Variants in PCBP2 observed in about 807,000 individuals in gnomAD.
PCBP2 encodes the protein poly(rC) binding protein 2, also known as poly(rC)-binding protein 2.
In PCBP2, 4 loss-of-function variants were observed where a neutral mutation model predicts 50.1. The ratio of observed to expected loss-of-function variants is 0.08; its 90% CI spans 0.04 to 0.18. The LOEUF is 0.18. Among genes scored for constraint, PCBP2 ranks in the 10% least tolerant of loss-of-function variants. PCBP2 has a pLI of 1.00. For missense variants in PCBP2, 161 were observed against 474.3 expected (o/e 0.34, Z 6.14); for synonymous variants, 179 against 168.0 (o/e 1.07, Z -0.51).
intron 5 of PCBP2, among the ~76,000 whole-genome samples, chr12:53,456,423 A>C (rs1941015093): frequency 6.6e-6 from 1 of 151,104 alleles, no homozygotes; most frequent in East Asian, 1.9e-4. Flanking sequence ...ACACCACTGC[A>C]CTCCAGCCTG....
chr12:53,459,168 C>A, intron 5 of PCBP2, 104 bp from the exon 6 acceptor site: 1 of 920,262 alleles, frequency 1.1e-6, no homozygotes, highest in Non-Finnish European at 1.5e-6. Flanking sequence ...TATGACCTCG[C>A]ATGTCCTAAT....
chr12:53,462,613 T>C lies in PCBP2; in HGVS notation c.579+46T>C, dbSNP rs753739140. On this transcript the variant is annotated intron_variant, in intron 8 of 14. Coordinates refer to ENST00000546463, the MANE Select transcript of PCBP2 (RefSeq NM_031989.5). ...GGGCTAGAATGAACAGAGATTATAT[T>C]TGAAATGTCAACTTTGCCAGCATCA... 4 of 1,506,642 alleles carry C rather than the reference T, an allele frequency of 2.7e-6. No individual in the cohort carries two copies. The South Asian group carries it at 3.4e-5, about 13-fold the overall frequency. The allele number at this position is 1,506,642 out of a possible 1,614,324, so 93.3% of individuals were successfully genotyped here. A position where few individuals can be genotyped will look rare whatever the true frequency, so the allele number is the denominator to read the frequency against.
chr12:53,477,921 T>C (rs891648455), intron 14 of PCBP2, among the ~76,000 whole-genome samples: 2 of 152,098 alleles, frequency 1.3e-5, no homozygotes, highest in African/African-American at 4.8e-5. Context: ...AAATAACTTA[T>C]CTTATGAACT....
chr12:53,454,954 G>C (rs1000042479), intron 2 of PCBP2, 85 bp downstream of exon 2: 22 of 1,115,630 alleles, frequency 2.0e-5, no homozygotes, highest in South Asian at 3.7e-5. Flanking sequence ...GAGCTCATCA[G>C]ATTAGCACTG....
At chr12:53,460,638 C>T (rs550663674) in intron 6 of PCBP2, 8 of 231,040 alleles carry the variant, frequency 3.5e-5, no homozygotes, top group Non-Finnish European at 6.2e-5. Flanking sequence ...TGGTACCTGG[C>T]ACATAGAATG....
In PCBP2 at chr12:53,468,941, A is replaced by C. The variant is rs1942005455; in HGVS notation, c.882+109A>C. On this transcript the variant is annotated intron_variant, in intron 13 of 14. Transcript: ENST00000546463. Reference sequence around the variant, plus strand: ...CCTTTTTTTTTTTTTTTTTTTAAACAGCCCAGGCTGTAGTGCAGTGGTGCG... The same window carrying C: ...CCTTTTTTTTTTTTTTTTTTTAAACCGCCCAGGCTGTAGTGCAGTGGTGCG... 14 of 776,618 alleles carry C rather than the reference A, an allele frequency of 1.8e-5. No individual in the cohort carries two copies. In the South Asian group the frequency reaches 2.1e-4, roughly 12 times the overall value. The allele number at this position is 776,618 out of a possible 1,614,324, so 48.1% of individuals were successfully genotyped here. A position where few individuals can be genotyped will look rare whatever the true frequency, so the allele number is the denominator to read the frequency against.
intron 11 of PCBP2, 41 bp from the exon 12 acceptor site, chr12:53,467,764 G>A: frequency 6.5e-7 from 1 of 1,546,378 alleles, no homozygotes; most frequent in Non-Finnish European, 8.9e-7. Context: ...GATAGGGTTA[G>A]GATGAGACCA....
intron 1 of PCBP2, among the ~76,000 whole-genome samples, chr12:53,453,763 G>A (rs1026862111): frequency 6.6e-6 from 1 of 152,070 alleles, no homozygotes; most frequent in Non-Finnish European, 1.5e-5. Flanking sequence ...TGAAGGCAAA[G>A]GCATATCCAA....
rs957701305 is a variant in PCBP2 at position 53,479,673 on chromosome 12, T to TTTTTTTTTTTTTTTGG, written c.*241_*242insTTTTGGTTTTTTTTTT. The TTTTTTTTTTTTTTTGG allele has an allele frequency of 2.7e-5, 10 of 372,698 alleles. No homozygotes were observed. The highest frequency in any genetic ancestry group is 7.2e-4 in the Middle Eastern group (1 of 1,386). 23.1% of individuals were successfully genotyped at this position (372,698 alleles called of 1,614,324 possible). A position where few individuals can be genotyped will look rare whatever the true frequency, so the allele number is the denominator to read the frequency against. ...TTAGTTTTATAAGCTTCTCCCTGGT[T>TTTTTTTTTTTTTTTGG]TTTTTTTTTTGGCTCATGAATTTTT... is the stretch of plus-strand genomic sequence containing the variant. On this transcript the variant is annotated 3_prime_UTR_variant, in exon 15 of 15. Transcript: ENST00000546463.
At chr12:53,470,404 T>C (rs1447801962) in intron 13 of PCBP2, among the ~76,000 whole-genome samples, 1 of 81,480 alleles carries the variant, frequency 1.2e-5, no homozygotes, top group Non-Finnish European at 2.6e-5. Context: ...AAAAAAAAAG[T>C]GTAGTGGCTT....
chr12:53,471,927 T>A, intron 14 of PCBP2, 120 bp downstream of exon 14: 1 of 764,258 alleles, frequency 1.3e-6, no homozygotes, highest in Non-Finnish European at 1.9e-6. Flanking sequence ...CCAAAAGGTT[T>A]TTTTTTTTTT....
intron 8 of PCBP2, chr12:53,464,501 A>G: frequency 2.3e-6 from 1 of 428,738 alleles, no homozygotes; most frequent in Non-Finnish European, 4.1e-6. Flanking sequence ...TTAATCCCAC[A>G]CTGACCAGGA....
rs1188475380 is a variant in PCBP2, at chr12:53,454,708, G to T, written c.-75-18G>T. ...TTGTTGTTTTCCTCCTCTGATTTTG[G>T]TCATGTTTGCATTTTAGTTTTTGGC... On this transcript the variant is annotated intron_variant, in intron 1 of 14. Coordinates refer to ENST00000546463, the MANE Select transcript of PCBP2 (RefSeq NM_031989.5). 1.1e-6 allele frequency: 1 copy of T among 891,218 alleles called. No homozygotes were observed. The highest frequency in any genetic ancestry group is 1.9e-6 in the Non-Finnish European group (1 of 533,062). The allele number at this position is 891,218 out of a possible 1,614,324, so 55.2% of individuals were successfully genotyped here. A position where few individuals can be genotyped will look rare whatever the true frequency, so the allele number is the denominator to read the frequency against.
At chr12:53,455,658 C>T (rs1208039996) in intron 4 of PCBP2, among the ~76,000 whole-genome samples, 165 bp downstream of exon 4, 2 of 150,224 alleles carry the variant, frequency 1.3e-5, no homozygotes, top group Non-Finnish European at 1.5e-5. Flanking sequence ...TTTTTTTTTC[C>T]CCTTTTTGGG....
At position 53,480,620 on chromosome 12, in the gene PCBP2, T is replaced by TC. The variant is rs2137160758; in HGVS notation, c.*1179dup. ...CACCCCGGTTCTTCAGCCTGAGCCA[T>TC]CACATGCTATCAGTCTCCTAACCTC... is the stretch of plus-strand genomic sequence containing the variant. On this transcript the variant is annotated 3_prime_UTR_variant, in exon 15 of 15. Coordinates refer to ENST00000546463, the MANE Select transcript of PCBP2 (RefSeq NM_031989.5). 6.5e-6 allele frequency: 1 copy of TC among 152,692 alleles called. No individual in the cohort carries two copies. Among genetic ancestry groups the TC allele is most frequent in the African/African-American group, 2.4e-5 (1 of 41,524 alleles). The allele number at this position is 152,692 out of a possible 1,614,324, so 9.5% of individuals were successfully genotyped here.
chr12:53,472,055 G>A (rs1483974270), intron 14 of PCBP2, among the ~76,000 whole-genome samples: 1 of 151,988 alleles, frequency 6.6e-6, no homozygotes, highest in Non-Finnish European at 1.5e-5. Flanking sequence ...TTGGTAAGAG[G>A]GAAGAGTGGT....
chr12:53,459,255 G>GTT lies in PCBP2; in HGVS notation c.244-16_244-15dup, dbSNP rs1565859755. 3 of 1,588,544 alleles carry GTT rather than the reference G, an allele frequency of 1.9e-6. No individual in the cohort carries two copies. Among genetic ancestry groups the GTT allele is most frequent in the East Asian group, 2.3e-5 (1 of 44,380 alleles). ...TTTCCAGGGATCTGCTTATTGTGGT[G>GTT]TTCTTTCTTTCTGTAGGACATAAGC... On this transcript the variant is annotated splice_polypyrimidine_tract_variant and intron_variant, in intron 5 of 14. Coordinates refer to ENST00000546463, the MANE Select transcript of PCBP2 (RefSeq NM_031989.5).
rs1942959240 is a variant in PCBP2, at chr12:53,480,112, T to G, written c.*670T>G. The G allele has an allele frequency of 6.7e-6, 1 of 149,612 alleles. No homozygotes were observed. The highest frequency in any genetic ancestry group is 2.5e-5 in the African/African-American group (1 of 40,394). 9.3% of individuals were successfully genotyped at this position (149,612 alleles called of 1,614,324 possible). A position where few individuals can be genotyped will look rare whatever the true frequency, so the allele number is the denominator to read the frequency against. ...GCAAGCACTTCCACTAGGGAGGGGG[T>G]GGGGGAAAGGAATGACACATGACAT... On this transcript the variant is annotated 3_prime_UTR_variant, in exon 15 of 15. Transcript: ENST00000546463.
At chr12:53,469,986 TCCC>T (rs545930789) in intron 13 of PCBP2, among the ~76,000 whole-genome samples, 1 of 151,016 alleles carries the variant, frequency 6.6e-6, no homozygotes, top group African/African-American at 2.4e-5. Flanking sequence ...CCTTACGTGA[TCCC>T]CCCCCTTCAG....
Sources: allele counts gnomAD v4.1 joint callset (sites outside exome capture counted in the v4.1 genomes callset), GRCh38; gene constraint gnomAD v4.1.1; transcripts MANE v1.5; gene names NCBI Gene and HGNC (gene_info 2026-07-23, HGNC 2026-07-21).